Variants in PRSS38 observed in about 807,000 individuals in gnomAD.
The protein encoded by PRSS38 is serine protease 38.
A neutral mutation model predicts 26.8 loss-of-function variants in PRSS38; 22 were observed. The ratio of observed to expected loss-of-function variants is 0.82; its 90% confidence interval spans 0.59 to 1.17. The LOEUF (loss-of-function observed/expected upper bound fraction) is 1.17. Among genes scored for constraint, PRSS38 ranks in the 50% most tolerant of loss-of-function variants. PRSS38 has a pLI of 0.00. For synonymous variants in PRSS38, 175 were observed against 172.1 expected (o/e 1.02, Z -0.13); for missense variants, 427 against 422.7 (o/e 1.01, Z -0.09).
chr1:227,823,891 A>G (rs962028139), intron 3 of PRSS38, among the ~76,000 whole-genome samples: 2 of 152,132 alleles, frequency 1.3e-5, no homozygotes, highest in Non-Finnish European at 2.9e-5. Flanking sequence ...TATTTTTGTT[A>G]TTGCAAATAG....
chr1:227,828,120 A>G (rs1468897361), intron 3 of PRSS38, among the ~76,000 whole-genome samples: 2 of 152,164 alleles, frequency 1.3e-5, no homozygotes, highest in African/African-American at 2.4e-5. Flanking sequence ...TATATGATCA[A>G]TTCTAGAGTA....
At chr1:227,823,928 TA>T (rs1261230028) in intron 3 of PRSS38, among the ~76,000 whole-genome samples, 2 of 152,226 alleles carry the variant, frequency 1.3e-5, no homozygotes, top group African/African-American at 4.8e-5. Flanking sequence ...TGAGTGCAGG[TA>T]TTTTTTGTAC....
chr1:227,819,634 T>G (rs1254096849), intron 3 of PRSS38, among the ~76,000 whole-genome samples: 1 of 152,230 alleles, frequency 6.6e-6, no homozygotes, highest in East Asian at 1.9e-4. Context: ...TATTTGAGTC[T>G]TTAATTTCTT....
intron 3 of PRSS38, among the ~76,000 whole-genome samples, chr1:227,817,744 T>C (rs951995472): frequency 1.3e-5 from 2 of 152,258 alleles, no homozygotes; most frequent in Non-Finnish European, 2.9e-5. Context: ...AAAGCAGTTT[T>C]CCTTAAGATT....
chr1:227,845,347 C>T (rs1372244146), intron 3 of PRSS38, 123 bp from the exon 4 acceptor site: 2 of 661,780 alleles, frequency 3.0e-6, no homozygotes, highest in East Asian at 5.5e-5. Flanking sequence ...CATCAGGGCT[C>T]CTTCCTACGT....
chr1:227,840,319 C>T (rs1270707246), intron 3 of PRSS38, among the ~76,000 whole-genome samples: 1 of 151,974 alleles, frequency 6.6e-6, no homozygotes, highest in Admixed American at 6.6e-5. Context: ...ATGGGGGTCT[C>T]ACTATGTTGC....
chr1:227,826,322 T>C (rs1275704160), intron 3 of PRSS38, among the ~76,000 whole-genome samples: 1 of 152,196 alleles, frequency 6.6e-6, no homozygotes, highest in Non-Finnish European at 1.5e-5. Context: ...TCGTGTCATC[T>C]GCAAAGATAA....
At chr1:227,846,086 T>C (rs1310422497) in exon 5 of PRSS38, 1 of 1,614,096 alleles carries the variant, frequency 6.2e-7, no homozygotes, top group Non-Finnish European at 8.5e-7. Context: ...TTTCTCAAAA[T>C]GGATATGTGA....
intron 3 of PRSS38, among the ~76,000 whole-genome samples, chr1:227,844,331 C>A (rs1665382670): frequency 6.6e-6 from 1 of 152,050 alleles, no homozygotes; most frequent in South Asian, 2.1e-4. Context: ...TCCTCCCCTA[C>A]CCCCCATGAG....
At chr1:227,845,505 C>T in exon 4 of PRSS38, 1 of 1,612,900 alleles carries the variant, frequency 6.2e-7, no homozygotes, top group Admixed American at 1.7e-5. Context: ...GATGCAGCTC[C>T]CGCTGATCCT....
At chr1:227,830,847 C>G (rs1313584511) in intron 3 of PRSS38, among the ~76,000 whole-genome samples, 1 of 151,908 alleles carries the variant, frequency 6.6e-6, no homozygotes, top group East Asian at 1.9e-4. Context: ...TCATAATAGT[C>G]TCATCATTTA....
At chr1:227,834,245 G>A (rs796752992) in intron 3 of PRSS38, among the ~76,000 whole-genome samples, 13 of 152,314 alleles carry the variant, frequency 8.5e-5, no homozygotes, top group African/African-American at 3.1e-4. Flanking sequence ...AAAACTTTTT[G>A]TCGTTTGAAA....
intron 3 of PRSS38, among the ~76,000 whole-genome samples, chr1:227,837,913 C>CT (rs1310487917): frequency 6.6e-6 from 1 of 151,946 alleles, no homozygotes; most frequent in Non-Finnish European, 1.5e-5. Context: ...TTGTAATTTT[C>CT]TTTTTTTGTT....
At chr1:227,815,763 T>C in exon 1 of PRSS38, 2 of 1,611,334 alleles carry the variant, frequency 1.2e-6, no homozygotes, top group Non-Finnish European at 1.7e-6. Flanking sequence ...CCCTCTGCCC[T>C]GGGCCTTCTG....
chr1:227,825,282 C>T (rs570044645), intron 3 of PRSS38, among the ~76,000 whole-genome samples: 1 of 152,170 alleles, frequency 6.6e-6, no homozygotes. Context: ...ACCTCCAACT[C>T]CCTGGTTCAA....
chr1:227,839,399 G>A (rs1050041341), intron 3 of PRSS38, among the ~76,000 whole-genome samples: 3 of 152,082 alleles, frequency 2.0e-5, no homozygotes, highest in Middle Eastern at 3.4e-3. Context: ...GAGCTCAGGA[G>A]GTCCAGGCTG....
At chr1:227,821,557 C>T (rs919047516) in intron 3 of PRSS38, among the ~76,000 whole-genome samples, 9 of 152,078 alleles carry the variant, frequency 5.9e-5, no homozygotes, top group South Asian at 2.1e-4. Flanking sequence ...CTTGTTTATC[C>T]GTGAACGACT....
intron 3 of PRSS38, among the ~76,000 whole-genome samples, chr1:227,828,945 C>T (rs529282037): frequency 6.6e-6 from 1 of 152,244 alleles, no homozygotes; most frequent in East Asian, 1.9e-4. Flanking sequence ...CTGCTGGTTG[C>T]AATGATTCAT....
rs1036608621 is a variant in PRSS38, at chr1:227,828,053, G to A, written c.583+10573G>A. Among the ~76,000 whole-genome samples the A allele has an allele frequency of 3.3e-5, 5 of 152,152 alleles. No individual in the cohort carries two copies. In the South Asian group the frequency reaches 6.2e-4, roughly 19 times the overall value. On this transcript the variant is annotated intron_variant, in intron 3 of 4. Coordinates refer to ENST00000366757, the Ensembl canonical transcript of PRSS38. Reference sequence around the variant, plus strand: ...AATTTGATTCCACTGTGGTCTAAGGGACTGTTTATTATGTTTTCAGTTCTT... The same window carrying A: ...AATTTGATTCCACTGTGGTCTAAGGAACTGTTTATTATGTTTTCAGTTCTT...
Sources: allele counts gnomAD v4.1 joint callset (sites outside exome capture counted in the v4.1 genomes callset), GRCh38; gene constraint gnomAD v4.1.1; transcripts MANE v1.5; gene names NCBI Gene and HGNC (gene_info 2026-07-23, HGNC 2026-07-21).